B9D1: variants seen among roughly 807,000 people sequenced by gnomAD.
B9D1 encodes B9 domain-containing protein 1.
A neutral mutation model predicts 26.1 loss-of-function variants in B9D1; 20 were observed. That is an observed-to-expected ratio of 0.77 (90% CI 0.54 to 1.12). B9D1 has a LOEUF of 1.12. Ranked by LOEUF, B9D1 falls within the 50% of genes most tolerant of loss-of-function variation. B9D1 has a pLI of 0.00. For synonymous variants in B9D1, 105 were observed against 103.1 expected (o/e 1.02, Z -0.11); for missense variants, 260 against 273.7 (o/e 0.95, Z 0.35).
chr17:19,362,827 G>C, upstream of B9D1: 1 of 1,044,656 alleles, frequency 9.6e-7, no homozygotes, highest in East Asian at 3.1e-5. Flanking sequence ...CCGAGAGCTG[G>C]GGCGGGAGCG....
chr17:19,340,764 G>A (rs1000711662), downstream of B9D1, among the ~76,000 whole-genome samples: 1 of 143,286 alleles, frequency 7.0e-6, no homozygotes, highest in African/African-American at 2.6e-5. Flanking sequence ...ATTCCAGCCT[G>A]GGCGACAGAG....
chr17:19,337,848 CG>C (rs543036217), downstream of B9D1: 70 of 445,948 alleles, frequency 1.6e-4, 1 homozygote, highest in South Asian at 1.1e-3. Context: ...ATTAGGCCCT[CG>C]GCCCCCATCC....
At chr17:19,348,898 A>G (rs1909220343) in intron 3 of B9D1, among the ~76,000 whole-genome samples, 1 of 152,354 alleles carries the variant, frequency 6.6e-6, no homozygotes, top group South Asian at 2.1e-4. Context: ...GGAATCTGTC[A>G]CAATGACTGT....
At chr17:19,352,686 T>G (rs939313693) in intron 3 of B9D1, among the ~76,000 whole-genome samples, 1 of 152,068 alleles carries the variant, frequency 6.6e-6, no homozygotes, top group Admixed American at 6.6e-5. Context: ...CATGCCTGGC[T>G]AATTTTGTAT....
downstream of B9D1, among the ~76,000 whole-genome samples, chr17:19,342,804 T>C (rs1461723943): frequency 6.6e-6 from 1 of 152,028 alleles, no homozygotes; most frequent in African/African-American, 2.4e-5. Flanking sequence ...TCCCCCGGGG[T>C]ACCTCACCAT....
chr17:19,377,903 G>A lies in B9D1; in HGVS notation c.-342C>T, dbSNP rs1342581825. ...GAGCTGCAGTCCAACTTGGCCGGAAGCTGCGGAGAGGCTCAGCCACCGGAA... is the reference window on the plus strand; with the variant it reads ...GAGCTGCAGTCCAACTTGGCCGGAAACTGCGGAGAGGCTCAGCCACCGGAA... On this transcript the variant is annotated 5_prime_UTR_variant, in exon 1 of 6. Coordinates refer to the B9D1 transcript ENST00000477478. The A allele has an allele frequency of 4.1e-6, 4 of 985,320 alleles. No individual in the cohort carries two copies. The African/African-American group carries it at 5.2e-5, about 13-fold the overall frequency. The allele number at this position is 985,320 out of a possible 1,614,324, so 61.0% of individuals were successfully genotyped here.
rs1909049731 is a variant in B9D1 at position 19,347,832 on chromosome 17, T to C, written c.293A>G (p.Asp98Gly). 6.2e-6 allele frequency: 10 copies of C among 1,613,896 alleles called. No homozygotes were observed. Among genetic ancestry groups the C allele is most frequent in the Non-Finnish European group, 8.5e-6 (10 of 1,179,972 alleles). Residue 98 changes from aspartate (D) to glycine (G), a missense_variant, in exon 4 of 7, where the codon GAT (aspartate) becomes GGT (glycine). By Grantham distance (94) the Asp-to-Gly change is moderately conservative. Transcript: ENST00000261499. The surrounding 1 kb of genome is among the most constrained non-coding windows in gnomAD (Gnocchi z 4.3). ...CACGGCCCCATAGCCTCGAACCACATCGTTCCCGAACACATCTGGTCCATA... is the reference window on the plus strand; with the variant it reads ...CACGGCCCCATAGCCTCGAACCACACCGTTCCCGAACACATCTGGTCCATA... ...SVYGPDVFGN[D>G]VVRGYGAVHV...
intron 3 of B9D1, among the ~76,000 whole-genome samples, chr17:19,353,770 G>T (rs191320139): frequency 6.6e-6 from 1 of 151,978 alleles, no homozygotes; most frequent in Non-Finnish European, 1.5e-5. Context: ...GAAAAATCCT[G>T]TCTCTACTAA....
intron 1 of B9D1, 46 bp downstream of exon 1, chr17:19,362,461 G>C (rs1299542696): frequency 6.8e-7 from 1 of 1,466,148 alleles, no homozygotes. Context: ...GAAGGGCCCC[G>C]GGGGACGCTG....
At chr17:19,344,755 C>T (rs1050794783) in intron 5 of B9D1, among the ~76,000 whole-genome samples, 1 of 152,220 alleles carries the variant, frequency 6.6e-6, no homozygotes, top group East Asian at 1.9e-4. Flanking sequence ...TCACCTGGGG[C>T]GGCTGCAGAG....
intron 3 of B9D1, among the ~76,000 whole-genome samples, chr17:19,354,709 T>G (rs923645933): frequency 1.3e-5 from 2 of 151,896 alleles, no homozygotes; most frequent in Admixed American, 1.3e-4. Flanking sequence ...GCACCTGTAA[T>G]CCCCAGCTAC....
At chr17:19,342,207 CAG>C (rs1485621067), downstream of B9D1, among the ~76,000 whole-genome samples, 1 of 152,118 alleles carries the variant, frequency 6.6e-6, no homozygotes, top group African/African-American at 2.4e-5. Context: ...GGCCAGAAGG[CAG>C]AGGGAACTTC....
At chr17:19,354,873 A>G (rs751938240) in intron 3 of B9D1, among the ~76,000 whole-genome samples, 1 of 152,232 alleles carries the variant, frequency 6.6e-6, no homozygotes, top group Non-Finnish European at 1.5e-5. Flanking sequence ...TTGGTTTTCA[A>G]CTGTTTGATT....
downstream of B9D1, chr17:19,336,776 G>A (rs1197084859): frequency 2.0e-5 from 3 of 152,622 alleles, no homozygotes; most frequent in Non-Finnish European, 4.4e-5. Context: ...CCACTGGAGA[G>A]GTGGGAGATG....
intron 6 of B9D1, 106 bp downstream of exon 6, chr17:19,343,684 C>A (rs1433415495): frequency 6.2e-6 from 10 of 1,610,964 alleles, no homozygotes; most frequent in Non-Finnish European, 8.5e-6. Flanking sequence ...GGGCTAGCTC[C>A]TATGTGCCTG....
At chr17:19,343,732 C>T in intron 6 of B9D1, 58 bp downstream of exon 6, 1 of 1,613,098 alleles carries the variant, frequency 6.2e-7, no homozygotes, top group Non-Finnish European at 8.5e-7. Context: ...TGGGCCCACC[C>T]ACTCCCAGGC....
chr17:19,362,183 G>C (rs1290642256), intron 1 of B9D1, among the ~76,000 whole-genome samples: 1 of 152,208 alleles, frequency 6.6e-6, no homozygotes, highest in East Asian at 1.9e-4. Context: ...GCCAAGCCTC[G>C]GCTCCTCGCG....
upstream of B9D1, chr17:19,362,887 C>T (rs1447690788): frequency 2.0e-6 from 1 of 503,898 alleles, no homozygotes; most frequent in African/African-American, 1.9e-5. Context: ...GTTGCACGCG[C>T]AGGGAGTGTG....
At chr17:19,369,253 A>G (rs899701182) in intron 1 of B9D1, among the ~76,000 whole-genome samples, 2 of 152,166 alleles carry the variant, frequency 1.3e-5, no homozygotes, top group African/African-American at 4.8e-5. Flanking sequence ...GTGTACGTCC[A>G]GGCAAAGAGC....
Sources: gnomAD v4.1 joint callset for allele counts (sites outside exome capture counted in the v4.1 genomes callset) on GRCh38, gnomAD v4.1.1 for gene constraint, Gnocchi (gnomAD v3.1) non-coding constraint, MANE v1.5 for transcripts, NCBI Gene and HGNC (gene_info 2026-07-23, HGNC 2026-07-21) for gene names.